DSCAM: variants seen among roughly 807,000 people sequenced by gnomAD.
The protein encoded by DSCAM is DS cell adhesion molecule, also known as cell adhesion molecule DSCAM.
A neutral mutation model predicts 217.7 loss-of-function variants in DSCAM; 47 were observed. The ratio of observed to expected loss-of-function variants is 0.22; its 90% confidence interval spans 0.17 to 0.28. The LOEUF is 0.28. Ranked by LOEUF, DSCAM falls within the 10% of genes least tolerant of loss-of-function variation. The probability of loss-of-function intolerance (pLI) is 1.00; values close to 1 mark genes in which losing one functional copy is unlikely to be tolerated. For missense variants in DSCAM, 2,080 were observed against 2,618.3 expected (o/e 0.79, Z 4.49); for synonymous variants, 1,056 against 1,015.3 (o/e 1.04, Z -0.76).
chr21:40,248,988 T>C (rs1347142549), intron 11 of DSCAM, among the ~76,000 whole-genome samples: 2 of 152,166 alleles, frequency 1.3e-5, no homozygotes, highest in Non-Finnish European at 2.9e-5. Flanking sequence ...ATGAGACTTA[T>C]TCACCATCAC....
chr21:40,374,402 T>C (rs545326868), intron 3 of DSCAM, among the ~76,000 whole-genome samples: 1 of 152,280 alleles, frequency 6.6e-6, no homozygotes, highest in East Asian at 1.9e-4. Flanking sequence ...GGCAACCGCA[T>C]ATATTAAAGA....
chr21:40,796,009 T>A (rs576929088), intron 1 of DSCAM, among the ~76,000 whole-genome samples: 38 of 152,230 alleles, frequency 2.5e-4, no homozygotes, highest in Non-Finnish European at 1.9e-4. Context: ...TTCTCCTAAG[T>A]GTCATGTAGG....
At chr21:40,194,897 C>T (rs1208361650) in intron 11 of DSCAM, among the ~76,000 whole-genome samples, 3 of 152,086 alleles carry the variant, frequency 2.0e-5, no homozygotes, top group South Asian at 2.1e-4. Flanking sequence ...CTAGAAATCA[C>T]GGCTTTCTCC....
intron 3 of DSCAM, among the ~76,000 whole-genome samples, chr21:40,398,461 A>G (rs1156436722): frequency 1.3e-5 from 2 of 152,100 alleles, no homozygotes; most frequent in East Asian, 1.9e-4. Context: ...AAAATAATAA[A>G]TAACTTGCTT....
chr21:40,442,210 T>C (rs1352185189), intron 3 of DSCAM, among the ~76,000 whole-genome samples: 1 of 152,110 alleles, frequency 6.6e-6, no homozygotes, highest in Non-Finnish European at 1.5e-5. Flanking sequence ...CACTGCACAA[T>C]CCTGTTTAAG....
intron 1 of DSCAM, among the ~76,000 whole-genome samples, chr21:40,724,769 A>G (rs2090936805): frequency 6.6e-6 from 1 of 152,204 alleles, no homozygotes; most frequent in Non-Finnish European, 1.5e-5. Context: ...AAATGACAAA[A>G]AGACATAAAT....
chr21:40,174,186 T>C (rs1314978642), intron 15 of DSCAM, among the ~76,000 whole-genome samples: 3 of 152,030 alleles, frequency 2.0e-5, no homozygotes, highest in Non-Finnish European at 4.4e-5. Context: ...GTGCTAGGGG[T>C]GGTTGGGGAA....
intron 3 of DSCAM, among the ~76,000 whole-genome samples, chr21:40,535,322 C>T (rs1310588714): frequency 6.6e-6 from 1 of 152,144 alleles, no homozygotes; most frequent in Non-Finnish European, 1.5e-5. Context: ...AGACTTATAT[C>T]CTCAACCATA....
chr21:40,301,526 G>C (rs2074013868), intron 9 of DSCAM, among the ~76,000 whole-genome samples: 1 of 127,994 alleles, frequency 7.8e-6, no homozygotes, highest in African/African-American at 3.8e-5. Context: ...CACTCACTCA[G>C]TCAGGCACAT....
In DSCAM at chr21:40,736,316, A is replaced by T. The variant is rs985825712; in HGVS notation, c.44-27545T>A. Among the ~76,000 whole-genome samples the T allele has an allele frequency of 3.4e-4, 52 of 152,050 alleles. 3 individuals are homozygous for T. Among genetic ancestry groups the T allele is most frequent in the Non-Finnish European group, 4.4e-5 (3 of 68,014 alleles). On this transcript the variant is annotated intron_variant, in intron 1 of 32. Coordinates refer to ENST00000400454, the MANE Select transcript of DSCAM (RefSeq NM_001389.5). ...TGGTTCTATTACATAGGCTTGATTG[A>T]TGACATCATTGGCCATTGGTAACTG...
At chr21:40,280,574 T>C (rs2073747240) in intron 10 of DSCAM, among the ~76,000 whole-genome samples, 2 of 152,220 alleles carry the variant, frequency 1.3e-5, no homozygotes, top group Non-Finnish European at 2.9e-5. Flanking sequence ...ACTAGTTTAC[T>C]TATTGGGATT....
At chr21:40,206,176 G>A (rs979433735) in intron 11 of DSCAM, among the ~76,000 whole-genome samples, 21 of 152,194 alleles carry the variant, frequency 1.4e-4, no homozygotes, top group Admixed American at 6.5e-4. Flanking sequence ...TTGAACACCC[G>A]TGTGAGTCTG....
At chr21:40,838,750 C>G (rs1021606843) in intron 1 of DSCAM, among the ~76,000 whole-genome samples, 1 of 152,120 alleles carries the variant, frequency 6.6e-6, no homozygotes, top group African/African-American at 2.4e-5. Context: ...ATTTCATAGT[C>G]TGGAGAGACT....
intron 1 of DSCAM, among the ~76,000 whole-genome samples, chr21:40,794,888 G>GAA (rs5844043): frequency 8.8e-4 from 112 of 126,664 alleles, no homozygotes; most frequent in Non-Finnish European, 1.2e-3. Context: ...TAGTCAAATT[G>GAA]AAAAAAAAAA....
chr21:40,241,985 G>C (rs2073159210), intron 11 of DSCAM, among the ~76,000 whole-genome samples: 1 of 152,100 alleles, frequency 6.6e-6, no homozygotes, highest in Non-Finnish European at 1.5e-5. Flanking sequence ...AACAGACACT[G>C]GGTTCTACTT....
chr21:40,344,026 G>A (rs1394827697), intron 6 of DSCAM, among the ~76,000 whole-genome samples: 2 of 151,838 alleles, frequency 1.3e-5, no homozygotes, highest in Non-Finnish European at 2.9e-5. Flanking sequence ...GCCTCTGCCT[G>A]TAGCTGGGAT....
intron 22 of DSCAM, 55 bp downstream of exon 22, chr21:40,087,115 G>A (rs1325527200): frequency 1.5e-6 from 2 of 1,310,332 alleles, no homozygotes; most frequent in Admixed American, 3.4e-5. Flanking sequence ...ACCTGAGTAT[G>A]TCAGATGTAA....
intron 28 of DSCAM, among the ~76,000 whole-genome samples, chr21:40,057,910 C>T (rs958908863): frequency 5.6e-5 from 7 of 124,270 alleles, no homozygotes; most frequent in African/African-American, 2.2e-4. Context: ...GACTCTTGCT[C>T]TGTTGCCCAG....
At chr21:40,081,762 G>A (rs2089464257) in intron 24 of DSCAM, among the ~76,000 whole-genome samples, 1 of 152,146 alleles carries the variant, frequency 6.6e-6, no homozygotes, top group Non-Finnish European at 1.5e-5. Context: ...CATCAGTGTG[G>A]GCACACAACT....
Sources: gnomAD v4.1 joint callset for allele counts (sites outside exome capture counted in the v4.1 genomes callset) on GRCh38, gnomAD v4.1.1 for gene constraint, MANE v1.5 for transcripts, NCBI Gene and HGNC (gene_info 2026-07-23, HGNC 2026-07-21) for gene names.